Variants in TBC1D32 observed in about 807,000 individuals in gnomAD.
The protein encoded by TBC1D32 is TBC1 domain family member 32, also known as protein broad-minded.
Under a neutral mutation model 170.3 loss-of-function variants are expected in TBC1D32, and 151 were observed. That is an observed-to-expected ratio of 0.89 (90% CI 0.78 to 1.01). The LOEUF (loss-of-function observed/expected upper bound fraction) is 1.01. TBC1D32 is among the 50% of genes least tolerant of loss of function. The probability of loss-of-function intolerance (pLI) is 0.00; values close to 1 mark genes in which losing one functional copy is unlikely to be tolerated. For missense variants in TBC1D32, 1,464 were observed against 1,457.1 expected (o/e 1.00, Z -0.08); for synonymous variants, 498 against 488.0 (o/e 1.02, Z -0.27).
chr6:121,247,843 T>C (rs1563068697), intron 17 of TBC1D32, among the ~76,000 whole-genome samples: 1 of 151,520 alleles, frequency 6.6e-6, no homozygotes, highest in Non-Finnish European at 1.5e-5. Context: ...ACCTAAGAAA[T>C]GAGATTGACA....
intron 17 of TBC1D32, among the ~76,000 whole-genome samples, chr6:121,251,045 G>C (rs1363119610): frequency 2.6e-5 from 4 of 152,044 alleles, no homozygotes; most frequent in African/African-American, 9.7e-5. Context: ...CCTCTTCAGG[G>C]AGAGCTACAA....
chr6:121,193,684 G>A (rs1790364140), intron 22 of TBC1D32, among the ~76,000 whole-genome samples: 1 of 152,234 alleles, frequency 6.6e-6, no homozygotes, highest in Non-Finnish European at 1.5e-5. Flanking sequence ...CTCATGTAGA[G>A]CTCTGACATT....
At chr6:121,272,069 ACTGGATCCCTTC>A (rs1275262518) in intron 15 of TBC1D32, among the ~76,000 whole-genome samples, 2 of 152,144 alleles carry the variant, frequency 1.3e-5, no homozygotes, top group Non-Finnish European at 2.9e-5. Flanking sequence ...GAAAGCTGAA[ACTGGATCCCTTC>A]CTCACACCTT....
At chr6:121,314,497 G>A (rs1334395962) in intron 3 of TBC1D32, among the ~76,000 whole-genome samples, 1 of 152,170 alleles carries the variant, frequency 6.6e-6, no homozygotes, top group African/African-American at 2.4e-5. Context: ...GAAAACAAAG[G>A]AACAGTGACT....
At chr6:121,256,521 G>A (rs1799041065) in intron 15 of TBC1D32, among the ~76,000 whole-genome samples, 1 of 152,128 alleles carries the variant, frequency 6.6e-6, no homozygotes. Context: ...ACAATGAAAA[G>A]ATTATAGACG....
intron 15 of TBC1D32, among the ~76,000 whole-genome samples, chr6:121,272,182 AGG>A (rs1345555739): frequency 2.6e-5 from 4 of 152,192 alleles, no homozygotes; most frequent in African/African-American, 9.7e-5. Context: ...ATTACCATTC[AGG>A]ACATAGACAT....
At chr6:121,228,795 G>A (rs1029720009) in intron 20 of TBC1D32, among the ~76,000 whole-genome samples, 1 of 151,996 alleles carries the variant, frequency 6.6e-6, no homozygotes, top group African/African-American at 2.4e-5. Context: ...TCCTAACAGA[G>A]AGCTCTTGAT....
In TBC1D32 at chr6:121,207,987, G is replaced by T. The variant is rs1792498247; in HGVS notation, c.2482-2824C>A. On this transcript the variant is annotated intron_variant, in intron 21 of 31. Coordinates refer to ENST00000398212, the MANE Select transcript of TBC1D32 (RefSeq NM_152730.6). ...AGTGGCTTATGATTGGTTAGCCTAT[G>T]AATAAAACTAAGCTAATCAAACTCC... is the stretch of plus-strand genomic sequence containing the variant. 2.0e-5 allele frequency among the ~76,000 whole-genome samples: 3 copies of T among 151,726 alleles called. No individual in the cohort carries two copies. The South Asian group carries it at 6.2e-4, about 32-fold the overall frequency.
chr6:121,210,362 AAC>A (rs1792883150), intron 21 of TBC1D32, among the ~76,000 whole-genome samples: 1 of 152,222 alleles, frequency 6.6e-6, no homozygotes, highest in Admixed American at 6.5e-5. Flanking sequence ...TAAATTTTTG[AAC>A]ACATAATCTT....
intron 22 of TBC1D32, among the ~76,000 whole-genome samples, chr6:121,185,833 T>G (rs1168256563): frequency 6.6e-6 from 1 of 152,074 alleles, no homozygotes; most frequent in Non-Finnish European, 1.5e-5. Flanking sequence ...TTCACTGGTC[T>G]TATGATGTGC....
chr6:121,100,188 T>C (rs1431496407), intron 30 of TBC1D32, among the ~76,000 whole-genome samples: 3 of 152,020 alleles, frequency 2.0e-5, no homozygotes, highest in East Asian at 3.9e-4. Context: ...TACTTCCAAC[T>C]ATGTGGTCAA....
At chr6:121,290,865 C>A (rs1314977252) in intron 12 of TBC1D32, among the ~76,000 whole-genome samples, 2 of 152,030 alleles carry the variant, frequency 1.3e-5, no homozygotes, top group African/African-American at 4.8e-5. Flanking sequence ...ACAGATGAAG[C>A]TAGAAACCAT....
At chr6:121,111,175 A>G (rs1006719690) in intron 29 of TBC1D32, among the ~76,000 whole-genome samples, 6 of 152,210 alleles carry the variant, frequency 3.9e-5, no homozygotes, top group African/African-American at 1.4e-4. Context: ...AGTTTTATAG[A>G]AAGAAATGCT....
At chr6:121,311,156 G>A (rs1436748129) in intron 3 of TBC1D32, among the ~76,000 whole-genome samples, 1 of 152,130 alleles carries the variant, frequency 6.6e-6, no homozygotes, top group Non-Finnish European at 1.5e-5. Flanking sequence ...AATGTGAGAT[G>A]AATGAAACAG....
rs554459181 is a variant in TBC1D32 at position 121,205,621 on chromosome 6, A to T, written c.2482-458T>A. Among the ~76,000 whole-genome samples the T allele has an allele frequency of 2.6e-4, 40 of 152,342 alleles. No individual in the cohort carries two copies. In the South Asian group the frequency reaches 8.1e-3, roughly 31 times the overall value. On this transcript the variant is annotated intron_variant, in intron 21 of 31. Transcript: ENST00000398212. ...TAGTAACTAGATTTTCTCAATAGAGACTATCTGCCTCATGTAAATCAGTGG... is the reference window on the plus strand; with the variant it reads ...TAGTAACTAGATTTTCTCAATAGAGTCTATCTGCCTCATGTAAATCAGTGG...
At chr6:121,203,107 A>G (rs1791806484) in intron 22 of TBC1D32, among the ~76,000 whole-genome samples, 1 of 151,390 alleles carries the variant, frequency 6.6e-6, no homozygotes, top group African/African-American at 2.5e-5. Flanking sequence ...TAAGAGAGAA[A>G]CATATGGGTA....
intron 24 of TBC1D32, among the ~76,000 whole-genome samples, chr6:121,143,654 A>G (rs1157158532): frequency 6.6e-6 from 1 of 152,236 alleles, no homozygotes; most frequent in African/African-American, 2.4e-5. Flanking sequence ...GTGAATCACA[A>G]AACAAGAATG....
At chr6:121,229,183 C>T (rs953931414) in intron 20 of TBC1D32, among the ~76,000 whole-genome samples, 21 of 152,244 alleles carry the variant, frequency 1.4e-4, no homozygotes, top group Admixed American at 7.2e-4. Flanking sequence ...CTCGCCTGCC[C>T]TCCCTCCATA....
Position 121,256,137 on chromosome 6 carries a change from G to T in TBC1D32, c.1882C>A (p.Gln628Lys). Residue 628 changes from glutamine (Q) to lysine (K), a missense_variant, in exon 16 of 32, where the codon CAG becomes AAG. By Grantham distance (53) the Gln-to-Lys change is moderately conservative. This residue lies in a region of TBC1D32 where 1,363 missense variants were observed against 1,338.1 expected (regional missense o/e 1.02). Coordinates refer to ENST00000398212, the MANE Select transcript of TBC1D32 (RefSeq NM_152730.6). ...RHIYSTCEGL[Q>K]VLITYNLHES... ...TGCAAATTATAAGTGATTAACACCT[G>T]CAAACCTTCACATGTACTATATATG... 1 of 1,613,974 alleles carries T rather than the reference G, an allele frequency of 6.2e-7. No individual in the cohort carries two copies. The highest frequency in any genetic ancestry group is 1.1e-5 in the South Asian group (1 of 91,060).
Sources: gnomAD v4.1 joint callset for allele counts (sites outside exome capture counted in the v4.1 genomes callset) on GRCh38, gnomAD v4.1.1 for gene constraint, gnomAD v4.1.1 regional missense constraint, MANE v1.5 for transcripts, NCBI Gene and HGNC (gene_info 2026-07-23, HGNC 2026-07-21) for gene names.